Variants in ARHGEF10L observed in about 807,000 individuals in gnomAD.
The protein encoded by ARHGEF10L is Rho guanine nucleotide exchange factor 10 like.
A neutral mutation model predicts 141.2 loss-of-function variants in ARHGEF10L; 69 were observed. The observed-to-expected ratio is 0.49, with a 90% CI of 0.40 to 0.60. The LOEUF is 0.60. Ranked by LOEUF, ARHGEF10L falls within the 20% of genes least tolerant of loss-of-function variation. The pLI is 0.00. For synonymous variants in ARHGEF10L, 711 were observed against 718.5 expected (o/e 0.99, Z 0.17); for missense variants, 1,482 against 1,734.3 (o/e 0.85, Z 2.58).
chr1:17,676,822 C>A (rs1376763978), intron 26 of ARHGEF10L, among the ~76,000 whole-genome samples: 2 of 151,824 alleles, frequency 1.3e-5, no homozygotes, highest in Non-Finnish European at 2.9e-5. Flanking sequence ...GCCTTTGCAC[C>A]CACTGCTCTC....
At chr1:17,578,744 A>T (rs1012134506) in intron 1 of ARHGEF10L, among the ~76,000 whole-genome samples, 1 of 152,152 alleles carries the variant, frequency 6.6e-6, no homozygotes, top group Non-Finnish European at 1.5e-5. Context: ...CTACCTCAAA[A>T]CAAAACCAAA....
At position 17,573,765 on chromosome 1, in the gene ARHGEF10L, C is replaced by T. The variant is rs1219368916; in HGVS notation, c.-43-6788C>T. Among the ~76,000 whole-genome samples, 1 of 151,982 alleles carries T rather than the reference C, an allele frequency of 6.6e-6. No homozygotes were observed. The highest frequency in any genetic ancestry group is 1.5e-5 in the Non-Finnish European group (1 of 67,942). On this transcript the variant is annotated intron_variant, in intron 1 of 28. Transcript: ENST00000361221. This position sits in a 1 kb window ranked among gnomAD's most constrained non-coding sequence, Gnocchi z 4.8. ...TCCCACAGAGACCTACTCCCAGGGC[C>T]CCCTCCCCAGTGCTCCCCACTCTTC...
chr1:17,516,416 G>A, the ARHGEF10L span, among the ~76,000 whole-genome samples: 1 of 152,234 alleles, frequency 6.6e-6, no homozygotes, highest in African/African-American at 2.4e-5. Context: ...CAGGGCCAGA[G>A]AGGAGATTCC....
chr1:17,693,263 C>T (rs2065236441), intron 27 of ARHGEF10L, among the ~76,000 whole-genome samples: 2 of 152,184 alleles, frequency 1.3e-5, no homozygotes, highest in South Asian at 4.1e-4. Flanking sequence ...GGAACATGTC[C>T]ATCATCAAAG....
intron 26 of ARHGEF10L, among the ~76,000 whole-genome samples, chr1:17,674,173 A>C (rs541178006): frequency 6.6e-6 from 1 of 152,080 alleles, no homozygotes; most frequent in East Asian, 1.9e-4. Flanking sequence ...CTTTCTCCCC[A>C]AAATCTCCCC....
chr1:17,676,707 G>GC (rs921148167), intron 26 of ARHGEF10L, among the ~76,000 whole-genome samples: 1 of 151,920 alleles, frequency 6.6e-6, no homozygotes, highest in Non-Finnish European at 1.5e-5. Context: ...CAAAGTCAAG[G>GC]CCCCCCAGGC....
rs770052863 is a variant in ARHGEF10L, at chr1:17,580,562, TG to T, written c.-31del. ...GGTCTTCTTTCCACAGGTGTGTAGCTGGGACGGTGCTGGTCTGAGCTGGACC... is the reference window on the plus strand; with the variant it reads ...GGTCTTCTTTCCACAGGTGTGTAGCTGGACGGTGCTGGTCTGAGCTGGACC... On this transcript the variant is annotated 5_prime_UTR_variant, in exon 2 of 29. Coordinates refer to ENST00000361221, the MANE Select transcript of ARHGEF10L (RefSeq NM_018125.4). 17 of 1,614,038 alleles carry T rather than the reference TG, an allele frequency of 1.1e-5. No individual in the cohort carries two copies. The highest frequency in any genetic ancestry group is 3.4e-6 in the Non-Finnish European group (4 of 1,180,006).
Position 17,613,124 on chromosome 1 carries a change from A to G in ARHGEF10L, c.676A>G (p.Arg226Gly). ...ARTKRDILAL[R>G]VGGRDMQELK... is the part of the protein sequence containing the mutation. ...GACTAAGAGAGACATCTTGGCTTTG[A>G]GAGTTGGGGGGAGAGACATGCAGGA... is the stretch of plus-strand genomic sequence containing the variant. The change falls in exon 8 of 29, where the codon AGA (arginine) becomes GGA (glycine). Residue 226 changes from arginine to glycine, a missense_variant. Arg to Gly is a moderately radical substitution (Grantham distance 125). This residue lies in a region of ARHGEF10L where 392 missense variants were observed against 542.1 expected (regional missense o/e 0.72). Transcript: ENST00000361221. 6.2e-7 allele frequency: 1 copy of G among 1,613,968 alleles called. No individual in the cohort carries two copies. The highest frequency in any genetic ancestry group is 1.1e-5 in the South Asian group (1 of 91,014).
Position 17,639,278 on chromosome 1 carries a change from GC to G in ARHGEF10L, c.2171+591del, listed in dbSNP as rs1292697839. Among the ~76,000 whole-genome samples, 1 of 152,222 alleles carries G rather than the reference GC, an allele frequency of 6.6e-6. No individual in the cohort carries two copies. The highest frequency in any genetic ancestry group is 1.9e-4 in the East Asian group (1 of 5,192). ...CTCAGAGTTTCAGGAGAGGCTGAAG[GC>G]CACATCGTGAGAGACAGAGCTGGGT... On this transcript the variant is annotated intron_variant, in intron 20 of 28. Transcript: ENST00000361221. This position sits in a 1 kb window ranked among gnomAD's most constrained non-coding sequence, Gnocchi z 4.3.
the ARHGEF10L span, among the ~76,000 whole-genome samples, chr1:17,528,468 C>T: frequency 6.6e-6 from 1 of 152,204 alleles, no homozygotes; most frequent in Non-Finnish European, 1.5e-5. Flanking sequence ...CCTCCCACCT[C>T]GACCTCTTAA....
At chr1:17,553,432 C>T (rs2077188512) in intron 1 of ARHGEF10L, among the ~76,000 whole-genome samples, 1 of 152,150 alleles carries the variant, frequency 6.6e-6, no homozygotes, top group Non-Finnish European at 1.5e-5. Context: ...CCTCTATTGC[C>T]TGTGGGACTC....
At chr1:17,528,004 G>A in the ARHGEF10L span, among the ~76,000 whole-genome samples, 1 of 151,882 alleles carries the variant, frequency 6.6e-6, no homozygotes, top group Non-Finnish European at 1.5e-5. Flanking sequence ...GAGTGGCTGG[G>A]ACCACAGGCA....
At chr1:17,514,524 G>A in the ARHGEF10L span, among the ~76,000 whole-genome samples, 1 of 152,186 alleles carries the variant, frequency 6.6e-6, no homozygotes, top group African/African-American at 2.4e-5. Flanking sequence ...TGCCTGCTGG[G>A]ATCCATCCTT....
intron 26 of ARHGEF10L, among the ~76,000 whole-genome samples, chr1:17,668,135 G>C (rs1439501044): frequency 6.6e-6 from 1 of 152,224 alleles, no homozygotes; most frequent in African/African-American, 2.4e-5. Context: ...GTCTTGGCAC[G>C]TGGCGAGGGC....
At chr1:17,552,581 T>G (rs1363110618) in intron 1 of ARHGEF10L, among the ~76,000 whole-genome samples, 1 of 111,862 alleles carries the variant, frequency 8.9e-6, no homozygotes, top group Admixed American at 8.6e-5. Context: ...GTTTTTTTTT[T>G]TTTTTTTTTT....
At chr1:17,683,200 GGGGTGCTCACTGCCCCCTGCTCTCACCC>G (rs2064271642) in intron 26 of ARHGEF10L, among the ~76,000 whole-genome samples, 2 of 91,108 alleles carry the variant, frequency 2.2e-5, no homozygotes, top group African/African-American at 4.5e-5. Flanking sequence ...TGCTCTCACC[GGGGTGCTCACTGCCCCCTGCTCTCACCC>G]GGGTGCTCAC....
At chr1:17,653,028 G>A (rs1441864131) in intron 22 of ARHGEF10L, among the ~76,000 whole-genome samples, 1 of 152,202 alleles carries the variant, frequency 6.6e-6, no homozygotes, top group Non-Finnish European at 1.5e-5. Context: ...GAGCTAAGGT[G>A]TGTGAAGTGC....
At chr1:17,515,289 C>T in the ARHGEF10L span, among the ~76,000 whole-genome samples, 1 of 119,570 alleles carries the variant, frequency 8.4e-6, no homozygotes, top group Non-Finnish European at 1.8e-5. Context: ...TTCTTTTTCT[C>T]TCTTTTTTTT....
chr1:17,526,635 C>T, the ARHGEF10L span, among the ~76,000 whole-genome samples: 3 of 152,122 alleles, frequency 2.0e-5, no homozygotes, highest in Non-Finnish European at 2.9e-5. Flanking sequence ...CGGGCACAGT[C>T]ACTCACACCT....
Sources: allele counts gnomAD v4.1 joint callset (sites outside exome capture counted in the v4.1 genomes callset), GRCh38; gene constraint gnomAD v4.1.1; regional missense constraint gnomAD v4.1.1; non-coding constraint Gnocchi (gnomAD v3.1); transcripts MANE v1.5; gene names NCBI Gene and HGNC (gene_info 2026-07-23, HGNC 2026-07-21).